Variants in CTSB observed in about 807,000 individuals in gnomAD.
The protein encoded by CTSB is cathepsin B, also known as APP secretase.
Under a neutral mutation model 44.3 loss-of-function variants are expected in CTSB, and 57 were observed. That is an observed-to-expected ratio of 1.29 (90% CI 1.04 to 1.60). The LOEUF (loss-of-function observed/expected upper bound fraction) is 1.60. Among genes scored for constraint, CTSB ranks in the 40% most tolerant of loss-of-function variants. The pLI is 0.00. For synonymous variants in CTSB, 320 were observed against 168.0 expected, an observed-to-expected ratio of 1.91 and a Z score of -7.00; for missense variants, 768 against 443.0, an observed-to-expected ratio of 1.73 and a Z score of -6.59.
intron 8 of CTSB, among the ~76,000 whole-genome samples, chr8:11,846,751 G>C (rs1813423646): frequency 6.6e-6 from 1 of 152,214 alleles, no homozygotes; most frequent in Non-Finnish European, 1.5e-5. Flanking sequence ...CACCAGGGAG[G>C]GGGGCGTTCC....
intron 5 of CTSB, chr8:11,848,547 A>C (rs145324211): frequency 3.6e-4 from 128 of 357,986 alleles, no homozygotes; most frequent in African/African-American, 2.6e-3. Flanking sequence ...TTAACTAGTT[A>C]GGGGAGAAGC....
At chr8:11,851,947 G>C (rs576346442) in intron 3 of CTSB, among the ~76,000 whole-genome samples, 3 of 152,282 alleles carry the variant, frequency 2.0e-5, no homozygotes, top group South Asian at 2.1e-4. Context: ...GATTACAGGC[G>C]TGAGCCACCA....
chr8:11,867,057 G>T (rs1257787002), intron 1 of CTSB, among the ~76,000 whole-genome samples: 1 of 152,188 alleles, frequency 6.6e-6, no homozygotes, highest in African/African-American at 2.4e-5. Flanking sequence ...GGAGTGTGGG[G>T]CCTGCGCTAG....
At chr8:11,856,341 CAATT>C (rs1189638022) in intron 1 of CTSB, among the ~76,000 whole-genome samples, 1 of 152,114 alleles carries the variant, frequency 6.6e-6, no homozygotes, top group Non-Finnish European at 1.5e-5. Flanking sequence ...ATTAAAAAAG[CAATT>C]AGTTGGTGGG....
intron 4 of CTSB, 151 bp downstream of exon 4, chr8:11,850,715 G>C (rs887409705): frequency 3.6e-6 from 2 of 555,478 alleles, no homozygotes; most frequent in South Asian, 2.2e-5. Context: ...TGGCCAGAGG[G>C]ATTGTGATTT....
At chr8:11,845,557 C>T (rs562324480) in intron 9 of CTSB, 104 bp downstream of exon 9, 322 of 1,406,544 alleles carry the variant, frequency 2.3e-4, no homozygotes, top group Non-Finnish European at 3.0e-4. Flanking sequence ...GGCCGTAGGT[C>T]CAGGGTTTAA....
chr8:11,851,127 G>T, intron 3 of CTSB, 147 bp from the exon 4 acceptor site: 10 of 298,480 alleles, frequency 3.4e-5, no homozygotes, highest in East Asian at 1.6e-4. Context: ...GGTGTCCTTG[G>T]TAATTTCATA....
chr8:11,847,895 G>A lies in CTSB; in HGVS notation c.533-73C>T, dbSNP rs552134104. 293 of 1,430,020 alleles carry A rather than the reference G, an allele frequency of 2.0e-4. No homozygotes were observed. The East Asian group carries it at 5.0e-3, about 24-fold the overall frequency. 88.6% of individuals were successfully genotyped at this position (1,430,020 alleles called of 1,614,324 possible). A position where few individuals can be genotyped will look rare whatever the true frequency, so the allele number is the denominator to read the frequency against. ...GAAGACCTGGGGCAAGGCAAGCCTC[G>A]TGCCTGCAGCATGGACGCCAGGCAG... is the stretch of plus-strand genomic sequence containing the variant. On this transcript the variant is annotated intron_variant, in intron 6 of 9. Transcript: ENST00000353047.
At chr8:11,845,580 G>A (rs998676345) in intron 9 of CTSB, 81 bp downstream of exon 9, 10 of 1,527,070 alleles carry the variant, frequency 6.5e-6, no homozygotes, top group Middle Eastern at 1.7e-4. Context: ...CTGTGCGGTG[G>A]GTAGAACAGA....
chr8:11,857,876 T>C (rs906088848), intron 1 of CTSB: 1 of 152,226 alleles, frequency 6.6e-6, no homozygotes, highest in Non-Finnish European at 1.5e-5. Flanking sequence ...AGGGCTGTGG[T>C]GTTCCTGGCT....
At chr8:11,851,443 G>T (rs1814588341) in intron 3 of CTSB, among the ~76,000 whole-genome samples, 1 of 152,172 alleles carries the variant, frequency 6.6e-6, no homozygotes, top group Admixed American at 6.5e-5. Context: ...GCCTGCCTTG[G>T]CCTCCCAAAG....
At chr8:11,845,452 C>G (rs913164399) in intron 9 of CTSB, among the ~76,000 whole-genome samples, 2 of 152,216 alleles carry the variant, frequency 1.3e-5, no homozygotes, top group Non-Finnish European at 1.5e-5. Context: ...GCTGTGGGAA[C>G]TGTTGCAGGC....
rs1443542383 is a variant in CTSB, at chr8:11,855,636, T to C, written c.-25-2157A>G. Among the ~76,000 whole-genome samples, 7 of 152,346 alleles carry C rather than the reference T, an allele frequency of 4.6e-5. No individual in the cohort carries two copies. The South Asian group carries it at 1.0e-3, about 23-fold the overall frequency. On this transcript the variant is annotated intron_variant, in intron 1 of 9. Transcript: ENST00000353047. The stretch of plus-strand genomic sequence containing the variant: ...GACGAAACAAAGCAGTACTCACATA[T>C]ACTTTAGGCTTCGTTTCCACAAAAG...
At chr8:11,846,204 GGGA>G (rs1248460166) in intron 8 of CTSB, 3 of 153,082 alleles carry the variant, frequency 2.0e-5, no homozygotes, top group East Asian at 3.8e-4. Flanking sequence ...GAAGAGGTGA[GGGA>G]GGAGAAGGGA....
At chr8:11,852,949 C>G (rs1368569598) in intron 2 of CTSB, among the ~76,000 whole-genome samples, 1 of 152,178 alleles carries the variant, frequency 6.6e-6, no homozygotes, top group Non-Finnish European at 1.5e-5. Context: ...ATTCTTGGTT[C>G]TCAGTCCGAG....
chr8:11,847,305 T>A (rs1813580695), intron 7 of CTSB, 137 bp from the exon 8 acceptor site: 6 of 669,250 alleles, frequency 9.0e-6, no homozygotes, highest in Non-Finnish European at 1.6e-5. Flanking sequence ...CCAGGGGAGC[T>A]CAAGGAAGGC....
intron 2 of CTSB, 32 bp downstream of exon 2, chr8:11,853,297 G>C (rs778807321): frequency 6.2e-7 from 1 of 1,610,816 alleles, no homozygotes; most frequent in African/African-American, 1.3e-5. Flanking sequence ...ACCTGGGAGG[G>C]GACATACATA....
At chr8:11,857,818 G>C (rs941405258) in intron 1 of CTSB, 2 of 152,668 alleles carry the variant, frequency 1.3e-5, no homozygotes, top group Admixed American at 6.5e-5. Flanking sequence ...CATTCCACTA[G>C]TCCCAGGCTG....
chr8:11,859,552 G>T (rs1816051412), intron 1 of CTSB, among the ~76,000 whole-genome samples: 1 of 151,946 alleles, frequency 6.6e-6, no homozygotes, highest in African/African-American at 2.4e-5. Context: ...CCTGAGGTCA[G>T]GAGTTCGAGA....
Sources: gnomAD v4.1 joint callset for allele counts (sites outside exome capture counted in the v4.1 genomes callset) on GRCh38, gnomAD v4.1.1 for gene constraint, MANE v1.5 for transcripts, NCBI Gene and HGNC (gene_info 2026-07-23, HGNC 2026-07-21) for gene names.